LPIN1: variants seen among roughly 807,000 people sequenced by gnomAD.
LPIN1 encodes the protein phosphatidate phosphatase LPIN1.
LPIN1 carries 71 observed loss-of-function variants against 107.5 expected under a neutral mutation model. The observed-to-expected ratio is 0.66, with a 90% CI of 0.55 to 0.80. The LOEUF (loss-of-function observed/expected upper bound fraction) is 0.80, where lower values mean the gene tolerates loss of function less well. LPIN1 is among the 30% of genes least tolerant of loss of function. The pLI is 0.00. For missense variants in LPIN1, 1,043 were observed against 1,160.6 expected (o/e 0.90, Z 1.47); for synonymous variants, 445 against 452.6 (o/e 0.98, Z 0.21).
At chr2:11,801,134 G>A (rs60294845) in intron 14 of LPIN1, among the ~76,000 whole-genome samples, 2,153 of 152,298 alleles carry the variant, frequency 0.014, 52 homozygotes, top group African/African-American at 0.05. Context: ...GGATAGAAGG[G>A]AACTCTTAAA....
chr2:11,739,074 G>T (rs1385925424), intron 1 of LPIN1, among the ~76,000 whole-genome samples: 3 of 152,276 alleles, frequency 2.0e-5, no homozygotes, highest in African/African-American at 7.2e-5. Context: ...TGTGGTGAAA[G>T]TGACGATGAT....
intron 1 of LPIN1, among the ~76,000 whole-genome samples, chr2:11,704,495 G>T (rs1179618374): frequency 6.6e-6 from 1 of 152,112 alleles, no homozygotes; most frequent in Non-Finnish European, 1.5e-5. Flanking sequence ...CACTTCTAAT[G>T]GGCAGAGATT....
At chr2:11,795,240 C>A (rs545361868) in intron 13 of LPIN1, among the ~76,000 whole-genome samples, 168 bp from the exon 14 acceptor site, 1 of 152,112 alleles carries the variant, frequency 6.6e-6, no homozygotes, top group Non-Finnish European at 1.5e-5. Flanking sequence ...CAGGACCCAC[C>A]GAAACAAACA....
intron 8 of LPIN1, 25 bp from the exon 9 acceptor site, chr2:11,783,804 T>C: frequency 6.3e-7 from 1 of 1,597,802 alleles, no homozygotes; most frequent in Non-Finnish European, 8.6e-7. Context: ...AGTGGTTTTC[T>C]GACTTGAGCC....
intron 20 of LPIN1, chr2:11,823,265 G>A (rs1681868898): frequency 6.7e-6 from 1 of 149,520 alleles, no homozygotes; most frequent in Admixed American, 6.6e-5. Flanking sequence ...TGGCCGCTCA[G>A]GGAGTGTGAG....
chr2:11,679,805 C>T (rs974198838), intron 1 of LPIN1, among the ~76,000 whole-genome samples: 2 of 152,194 alleles, frequency 1.3e-5, no homozygotes, highest in Non-Finnish European at 2.9e-5. Flanking sequence ...TGATGGGGGC[C>T]GGGGGAGTCT....
At chr2:11,714,912 C>T (rs1311094448) in intron 2 of LPIN1, among the ~76,000 whole-genome samples, 1 of 152,154 alleles carries the variant, frequency 6.6e-6, no homozygotes, top group Non-Finnish European at 1.5e-5. Context: ...AGAGGTTCGT[C>T]GTTGAGACGA....
Position 11,825,154 on chromosome 2 carries a change from GT to G in LPIN1, c.*364del, listed in dbSNP as rs1399427617. 8.8e-6 allele frequency: 3 copies of G among 339,632 alleles called. No homozygotes were observed. Among genetic ancestry groups the G allele is most frequent in the Non-Finnish European group, 1.1e-5 (2 of 176,272 alleles). The allele number at this position is 339,632 out of a possible 1,614,324, so 21.0% of individuals were successfully genotyped here. On this transcript the variant is annotated 3_prime_UTR_variant, in exon 21 of 21. Transcript: ENST00000674199. The surrounding 1 kb of genome is among the most constrained non-coding windows in gnomAD (Gnocchi z 4.1). ...GGCAGAAGGCGGCTGTCTGAGGGCT[GT>G]CCCCGCCTAGGACAGGGTCAATCGA...
chr2:11,738,927 G>T (rs1023762751), intron 1 of LPIN1, among the ~76,000 whole-genome samples: 1 of 152,224 alleles, frequency 6.6e-6, no homozygotes, highest in African/African-American at 2.4e-5. Flanking sequence ...TCAGGCCTGG[G>T]GATATTGTGT....
intron 1 of LPIN1, among the ~76,000 whole-genome samples, chr2:11,730,606 A>G (rs1665093346): frequency 1.3e-5 from 2 of 152,078 alleles, no homozygotes; most frequent in African/African-American, 4.8e-5. Context: ...GTAGAACTGT[A>G]GAAATGAACA....
Position 11,774,638 on chromosome 2 carries a change from C to A in LPIN1, c.722+893C>A, listed in dbSNP as rs899150429. On this transcript the variant is annotated intron_variant, in intron 5 of 20. Coordinates refer to ENST00000674199, the MANE Select transcript of LPIN1 (RefSeq NM_001349206.2). The surrounding 1 kb of genome is among the most constrained non-coding windows in gnomAD (Gnocchi z 4.4). The stretch of plus-strand genomic sequence containing the variant: ...TCGCTTCTGGTTCATGGTGCCAGCC[C>A]TTAGAAACTCTGGGTTCCTACCTGA... Among the ~76,000 whole-genome samples, 2 of 152,168 alleles carry A rather than the reference C, an allele frequency of 1.3e-5. No homozygotes were observed. The highest frequency in any genetic ancestry group is 2.9e-5 in the Non-Finnish European group (2 of 68,032).
intron 1 of LPIN1, among the ~76,000 whole-genome samples, chr2:11,710,235 G>T (rs1663339929): frequency 6.6e-6 from 1 of 152,096 alleles, no homozygotes; most frequent in East Asian, 1.9e-4. Flanking sequence ...TCACCTTAGG[G>T]ATTACAACTT....
At chr2:11,780,358 A>T (rs1488348482) in intron 7 of LPIN1, among the ~76,000 whole-genome samples, 1 of 152,214 alleles carries the variant, frequency 6.6e-6, no homozygotes, top group Non-Finnish European at 1.5e-5. Flanking sequence ...GGCCCATTGA[A>T]AAAGAAGCTG....
At chr2:11,702,920 C>T (rs1558732771) in intron 1 of LPIN1, among the ~76,000 whole-genome samples, 1 of 151,624 alleles carries the variant, frequency 6.6e-6, no homozygotes, top group Admixed American at 6.6e-5. Flanking sequence ...GAATATCTCG[C>T]ACCTTATCTT....
intron 17 of LPIN1, among the ~76,000 whole-genome samples, chr2:11,810,702 C>G (rs1172101685): frequency 1.3e-5 from 2 of 152,176 alleles, no homozygotes; most frequent in Non-Finnish European, 2.9e-5. Context: ...GCTGTTGACT[C>G]TTAGTGGGTG....
At position 11,767,835 on chromosome 2, in the gene LPIN1, G is replaced by C. The variant is rs1039422414; in HGVS notation, c.265G>C (p.Val89Leu). ...GGGAGATAATGGAGAAGCATTTTTT[G>C]TTCAAGAAACAGATAATGATCAGGT... ...KLGDNGEAFF[V>L]QETDNDQEVI... Residue 89 changes from valine to leucine, a missense_variant, in exon 3 of 21, where the codon GTT (valine) becomes CTT (leucine). Val to Leu is a conservative substitution (Grantham distance 32). Coordinates refer to ENST00000674199, the MANE Select transcript of LPIN1 (RefSeq NM_001349206.2). 2.9e-5 allele frequency: 47 copies of C among 1,611,374 alleles called. No individual in the cohort carries two copies. Among genetic ancestry groups the C allele is most frequent in the Non-Finnish European group, 3.9e-5 (46 of 1,177,580 alleles).
chr2:11,749,361 A>T (rs1013152950), intron 1 of LPIN1, among the ~76,000 whole-genome samples: 10 of 152,110 alleles, frequency 6.6e-5, no homozygotes, highest in African/African-American at 2.2e-4. Context: ...CCTGAAGGGA[A>T]TCTGTGCCCC....
chr2:11,706,934 A>G (rs1663156918), intron 1 of LPIN1, among the ~76,000 whole-genome samples: 1 of 152,184 alleles, frequency 6.6e-6, no homozygotes, highest in Admixed American at 6.5e-5. Context: ...TTATCAAAAT[A>G]TCAAAAGGGC....
At chr2:11,688,440 ACT>A (rs1466632983) in intron 1 of LPIN1, among the ~76,000 whole-genome samples, 10 of 152,148 alleles carry the variant, frequency 6.6e-5, no homozygotes, top group African/African-American at 2.2e-4. Flanking sequence ...CAGGACTGAG[ACT>A]CTCTGCATGG....
Sources: gnomAD v4.1 joint callset for allele counts (sites outside exome capture counted in the v4.1 genomes callset) on GRCh38, gnomAD v4.1.1 for gene constraint, Gnocchi (gnomAD v3.1) non-coding constraint, MANE v1.5 for transcripts, NCBI Gene and HGNC (gene_info 2026-07-23, HGNC 2026-07-21) for gene names.